PTPRC: variants seen among roughly 807,000 people sequenced by gnomAD.
The protein encoded by PTPRC is receptor-type tyrosine-protein phosphatase C.
Under a neutral mutation model 155.9 loss-of-function variants are expected in PTPRC, and 44 were observed. The ratio of observed to expected loss-of-function variants is 0.28; its 90% CI spans 0.22 to 0.36. The LOEUF (loss-of-function observed/expected upper bound fraction) is 0.36, where lower values mean the gene tolerates loss of function less well. Ranked by LOEUF, PTPRC falls within the 10% of genes least tolerant of loss-of-function variation. The probability of loss-of-function intolerance (pLI) is 1.00; values close to 1 mark genes in which losing one functional copy is unlikely to be tolerated. For synonymous variants in PTPRC, 525 were observed against 533.1 expected, an observed-to-expected ratio of 0.98 and a Z score of 0.21; for missense variants, 1,401 against 1,564.6, an observed-to-expected ratio of 0.90 and a Z score of 1.76.
chr1:198,693,906 T>C (rs1308269565), intron 3 of PTPRC: 4 of 1,292,326 alleles, frequency 3.1e-6, no homozygotes, highest in Non-Finnish European at 4.1e-6. Context: ...AATAGCGTGG[T>C]ACTATGTATT....
intron 2 of PTPRC, among the ~76,000 whole-genome samples, chr1:198,658,429 G>A (rs1311816847): frequency 3.3e-5 from 5 of 152,010 alleles, no homozygotes; most frequent in Non-Finnish European, 7.4e-5. Context: ...AAAGTGATGT[G>A]GACTGTAATT....
chr1:198,716,916 CTA>C (rs1653618630), intron 13 of PTPRC, 76 bp downstream of exon 13: 1 of 1,375,648 alleles, frequency 7.3e-7, no homozygotes, highest in Admixed American at 1.8e-5. Flanking sequence ...TACAATATTT[CTA>C]TCTTTATTCT....
chr1:198,721,179 T>C (rs556323153), intron 14 of PTPRC, among the ~76,000 whole-genome samples: 213 of 152,342 alleles, frequency 1.4e-3, no homozygotes, highest in Non-Finnish European at 2.0e-3. Flanking sequence ...TATTTCTGTC[T>C]CCACTATCAT....
chr1:198,683,268 A>T lies in PTPRC; in HGVS notation c.74-9079A>T, dbSNP rs188308542. On this transcript the variant is annotated intron_variant, in intron 2 of 32. Transcript: ENST00000442510. Reference sequence around the variant, plus strand: ...TTATTAAATAGTAAACACTGTTGATAGCACCAAATACACTAATAAAAGATT... The same window carrying T: ...TTATTAAATAGTAAACACTGTTGATTGCACCAAATACACTAATAAAAGATT... 6.6e-3 allele frequency among the ~76,000 whole-genome samples: 1,000 copies of T among 152,302 alleles called. 11 individuals carry two copies. Among genetic ancestry groups the T allele is most frequent in the Admixed American group, 9.8e-3 (150 of 15,304 alleles).
chr1:198,706,811 A>G lies in PTPRC; in HGVS notation c.763A>G (p.Asn255Asp), dbSNP rs770214288. The G allele has an allele frequency of 6.2e-7, 1 of 1,613,058 alleles. No individual in the cohort carries two copies. The highest frequency in any genetic ancestry group is 1.3e-5 in the African/African-American group (1 of 74,922). Residue 255 changes from asparagine (N) to aspartate (D), a missense_variant, in exon 9 of 33, where the codon AAT becomes GAT. Transcript: ENST00000442510. ...TKLFTAKLNV[N>D]ENVECGNNTC... ...ATTATTTACAGCAAAGCTAAATGTT[A>G]ATGAGAATGTGGAATGTGGAAACAA...
chr1:198,656,394 CCTT>C (rs1333585499), intron 2 of PTPRC, among the ~76,000 whole-genome samples: 1 of 152,096 alleles, frequency 6.6e-6, no homozygotes, highest in Admixed American at 6.6e-5. Flanking sequence ...ATATTTTCAT[CCTT>C]TGCATATAGA....
chr1:198,717,899 T>C (rs1030890592), intron 13 of PTPRC, among the ~76,000 whole-genome samples, 195 bp from the exon 14 acceptor site: 2 of 152,182 alleles, frequency 1.3e-5, no homozygotes, highest in Admixed American at 6.5e-5. Context: ...TATATGCTAA[T>C]ACTTACTGAA....
At chr1:198,748,053 A>C in intron 26 of PTPRC, 56 bp from the exon 27 acceptor site, 1 of 1,557,806 alleles carries the variant, frequency 6.4e-7, no homozygotes, top group Non-Finnish European at 8.7e-7. Flanking sequence ...CTTATGATGC[A>C]ATAAGCCAAT....
chr1:198,734,528 G>A (rs1654538104), intron 22 of PTPRC, 103 bp downstream of exon 22: 3 of 988,266 alleles, frequency 3.0e-6, no homozygotes, highest in South Asian at 1.3e-5. Flanking sequence ...GACTAAAACA[G>A]AGAGTTCTCT....
chr1:198,718,143 T>C lies in PTPRC; in HGVS notation c.1500T>C (p.Ser500=), dbSNP rs943366355. The C allele has an allele frequency of 3.7e-6, 6 of 1,613,714 alleles. No homozygotes were observed. The African/African-American group carries it at 6.7e-5, about 18-fold the overall frequency. ...CTGTCTCCATGACATCAGATAATAG[T>C]ATGCATGTCAAGTGTAGGCCTCCCA... ...NMTVSMTSDN[S]MHVKCRPPRD... is the part of the protein sequence containing the mutation. The change falls in exon 14 of 33, where the codon AGT becomes AGC. Residue 500 remains serine, a synonymous_variant. Transcript: ENST00000442510.
In PTPRC at chr1:198,703,696, G is replaced by C. The variant is rs1666586157; in HGVS notation, c.658+324G>C. On this transcript the variant is annotated intron_variant, in intron 7 of 32. Transcript: ENST00000442510. ...CCATCAAAGGGGCTGTCCATTGCAA[G>C]TGGTGAGCATCAGACGGCTGATGGC... 1.5e-5 allele frequency: 6 copies of C among 392,872 alleles called. No homozygotes were observed. In the South Asian group the frequency reaches 1.7e-4, roughly 11 times the overall value. The allele number at this position is 392,872 out of a possible 1,614,324, so 24.3% of individuals were successfully genotyped here. A position where few individuals can be genotyped will look rare whatever the true frequency, so the allele number is the denominator to read the frequency against.
intron 15 of PTPRC, among the ~76,000 whole-genome samples, chr1:198,723,694 A>G (rs1489938000): frequency 1.3e-5 from 2 of 152,224 alleles, no homozygotes; most frequent in African/African-American, 4.8e-5. Flanking sequence ...TTCACCTGGA[A>G]AGACACAGAA....
chr1:198,641,705 G>A (rs1001140210), intron 2 of PTPRC, among the ~76,000 whole-genome samples: 2 of 152,010 alleles, frequency 1.3e-5, no homozygotes, highest in African/African-American at 2.4e-5. Flanking sequence ...GAAGGTGAGT[G>A]TTCTCTGGTT....
Position 198,696,905 on chromosome 1 carries a change from C to T in PTPRC, c.294C>T (p.Thr98=). ...TGGATAATGCTAGTGCTTTTAATAC[C>T]ACAGGTTGGCACACAAAAGTTGTTA... is the stretch of plus-strand genomic sequence containing the variant. ...DSLDNASAFN[T]TGVSSVQTPH... Residue 98 remains threonine (T), a synonymous_variant, in exon 4 of 33, where the codon ACC becomes ACT. Coordinates refer to ENST00000442510, the MANE Select transcript of PTPRC (RefSeq NM_002838.5). The T allele has an allele frequency of 6.2e-7, 1 of 1,611,684 alleles. No individual in the cohort carries two copies. The highest frequency in any genetic ancestry group is 2.2e-5 in the East Asian group (1 of 44,872).
chr1:198,703,548 C>G, intron 7 of PTPRC, 176 bp downstream of exon 7: 1 of 918,758 alleles, frequency 1.1e-6, no homozygotes, highest in South Asian at 1.5e-5. Context: ...AGTGCAACAG[C>G]TGATGAGATC....
chr1:198,738,295 A>G (rs1247807445), intron 23 of PTPRC, among the ~76,000 whole-genome samples: 2 of 151,752 alleles, frequency 1.3e-5, no homozygotes, highest in African/African-American at 2.4e-5. Flanking sequence ...TGTGTCATAT[A>G]TGACTTTCAT....
chr1:198,691,084 C>A (rs1557999960), intron 2 of PTPRC, among the ~76,000 whole-genome samples: 1 of 152,088 alleles, frequency 6.6e-6, no homozygotes, highest in Non-Finnish European at 1.5e-5. Context: ...ATTACCTATG[C>A]TGGCTCTCTC....
At position 198,755,973 on chromosome 1, in the gene PTPRC, A is replaced by AAAAC; in HGVS notation, c.3716_3719dup (p.Asn1240LysfsTer7). On this transcript the variant is annotated frameshift_variant, in exon 33 of 33. Coordinates refer to ENST00000442510, the MANE Select transcript of PTPRC (RefSeq NM_002838.5). LOFTEE classifies it low-confidence loss of function (END_TRUNC). ...CCTGCTCAGAATGGACAAGTAAAGA[A>AAAAC]AAACAACCATCAAGAAGATAAAATT... 1.9e-6 allele frequency: 3 copies of AAAAC among 1,613,238 alleles called. No individual in the cohort carries two copies. Among genetic ancestry groups the AAAAC allele is most frequent in the Non-Finnish European group, 2.5e-6 (3 of 1,179,496 alleles).
At chr1:198,751,728 C>G (rs1655394090) in intron 29 of PTPRC, among the ~76,000 whole-genome samples, 1 of 152,048 alleles carries the variant, frequency 6.6e-6, no homozygotes, top group Non-Finnish European at 1.5e-5. Flanking sequence ...GGTTCATCTA[C>G]TCTTCAATCT....
Sources: gnomAD v4.1 joint callset for allele counts (sites outside exome capture counted in the v4.1 genomes callset) on GRCh38, gnomAD v4.1.1 for gene constraint, MANE v1.5 for transcripts, NCBI Gene and HGNC (gene_info 2026-07-23, HGNC 2026-07-21) for gene names.